The following KCP variants were observed in gnomAD, a reference collection of about 807,000 sequenced individuals.
KCP encodes the protein kielin/chordin-like protein.
Under a neutral mutation model 212.7 loss-of-function variants are expected in KCP, and 194 were observed. The observed-to-expected ratio is 0.91, with a 90% CI of 0.81 to 1.03. The LOEUF (loss-of-function observed/expected upper bound fraction) is 1.03, where lower values mean the gene tolerates loss of function less well. KCP is among the 50% of genes least tolerant of loss of function. KCP has a pLI of 0.00. For missense variants in KCP, 2,080 were observed against 2,162.5 expected (o/e 0.96, Z 0.76); for synonymous variants, 833 against 865.3 (o/e 0.96, Z 0.65).
chr7:128,894,209 C>A lies in KCP; in HGVS notation c.916G>T (p.Val306Leu). 6.5e-7 allele frequency: 1 copy of A among 1,530,118 alleles called. No homozygotes were observed. Among genetic ancestry groups the A allele is most frequent in the South Asian group, 1.2e-5 (1 of 81,318 alleles). 94.8% of individuals were successfully genotyped at this position (1,530,118 alleles called of 1,614,324 possible). Residue 306 changes from valine to leucine, a missense_variant, in exon 9 of 40, where the codon GTG (valine) becomes TTG (leucine). Transcript: ENST00000610776. ...CTACCCACTGACTCACCATCACACA[C>A]AGGGCAGCAGGTGCCTGGGAGGGGC... ...ARPLPGTCCP[V>L]CDGCFLNGRE...
At chr7:128,898,857 T>C (rs1318559493) in intron 8 of KCP, among the ~76,000 whole-genome samples, 1 of 152,240 alleles carries the variant, frequency 6.6e-6, no homozygotes, top group Non-Finnish European at 1.5e-5. Context: ...AAATTGAGCA[T>C]TGGAATAAAA....
At position 128,908,560 on chromosome 7, in the gene KCP, C is replaced by T. The variant is rs1795276916; in HGVS notation, c.85G>A (p.Val29Ile). The T allele has an allele frequency of 3.9e-6, 6 of 1,550,610 alleles. No individual in the cohort carries two copies. Among genetic ancestry groups the T allele is most frequent in the Non-Finnish European group, 5.2e-6 (6 of 1,146,346 alleles). Residue 29 changes from valine (V) to isoleucine (I), a missense_variant, in exon 2 of 40, where the codon GTC (valine) becomes ATC (isoleucine). Val to Ile is a conservative substitution (Grantham distance 29, BLOSUM62 3). Coordinates refer to ENST00000610776, the MANE Select transcript of KCP (RefSeq NM_001366122.1). ...ALAAGAEGGAVPREPPGQQTT... is the reference protein window; with the variant it reads ...ALAAGAEGGAIPREPPGQQTT... ...TGCTGCCCAGGGGGCTCCCTGGGGA[C>T]AGCCCCACCTGAAGGGCACAAGAAT...
chr7:128,908,232 GAAGAAAGGAAGAAAGAAAGAAGA>G (rs1282833275), intron 2 of KCP, among the ~76,000 whole-genome samples, 171 bp downstream of exon 2: 4 of 104,316 alleles, frequency 3.8e-5, no homozygotes, highest in African/African-American at 1.4e-4. Context: ...GGGAAGGAAA[GAAGAAAGGAAGAAAGAAAGAAGA>G]AAGAAAGAAA....
In KCP at chr7:128,886,321, G is replaced by C. The variant is rs995034825; in HGVS notation, c.2866+143C>G. 7 of 655,862 alleles carry C rather than the reference G, an allele frequency of 1.1e-5. No homozygotes were observed. The Admixed American group carries it at 2.1e-4, about 20-fold the overall frequency. The allele number at this position is 655,862 out of a possible 1,614,324, so 40.6% of individuals were successfully genotyped here. Reference sequence around the variant, plus strand: ...CGGACAGGGAGAGGTAGGAGAAGCTGAAGGTGGCAAGGGTGTATGCAAGGG... The same window carrying C: ...CGGACAGGGAGAGGTAGGAGAAGCTCAAGGTGGCAAGGGTGTATGCAAGGG... On this transcript the variant is annotated intron_variant, in intron 26 of 39. Coordinates refer to ENST00000610776, the MANE Select transcript of KCP (RefSeq NM_001366122.1).
chr7:128,891,264 C>T lies in KCP; in HGVS notation c.1893G>A (p.Gln631=). The change falls in exon 19 of 40, where the codon CAG becomes CAA. Residue 631 remains glutamine (Q), a synonymous_variant. Coordinates refer to ENST00000610776, the MANE Select transcript of KCP (RefSeq NM_001366122.1). The stretch of plus-strand genomic sequence containing the variant: ...GCGGCACGCAGCGGCGGGCCAGGCA[C>T]TGCACGTTGCCGCTCTACGGACCGA... ...RLCRCLSGNV[Q]CLARRCVPLP... The T allele has an allele frequency of 6.5e-7, 1 of 1,547,268 alleles. No homozygotes were observed. Among genetic ancestry groups the T allele is most frequent in the East Asian group, 2.4e-5 (1 of 40,906 alleles).
chr7:128,898,516 T>C (rs1022327720), intron 8 of KCP, among the ~76,000 whole-genome samples: 8 of 152,252 alleles, frequency 5.3e-5, no homozygotes, highest in African/African-American at 1.7e-4. Context: ...TAGTACATAG[T>C]TAAAATCCTG....
intron 22 of KCP, among the ~76,000 whole-genome samples, chr7:128,887,610 C>A (rs1173530920): frequency 1.3e-5 from 2 of 150,314 alleles, no homozygotes. Flanking sequence ...GCCACACCTA[C>A]ACCCCCCCAC....
intron 8 of KCP, among the ~76,000 whole-genome samples, chr7:128,899,010 A>G (rs1014028095): frequency 1.3e-5 from 2 of 152,210 alleles, no homozygotes; most frequent in Non-Finnish European, 2.9e-5. Flanking sequence ...GGTTTTATTA[A>G]GAATTGGGTT....
intron 14 of KCP, 28 bp downstream of exon 14, chr7:128,892,841 G>A (rs551655586): frequency 6.2e-5 from 96 of 1,551,252 alleles, no homozygotes; most frequent in Non-Finnish European, 8.1e-5. Context: ...TGCAGGGGAA[G>A]AAAGCCAGGA....
At position 128,877,038 on chromosome 7, in the gene KCP, C is replaced by G; in HGVS notation, c.*5G>C. On this transcript the variant is annotated 3_prime_UTR_variant, in exon 40 of 40. Transcript: ENST00000610776. ...TGATGAACCCTTATCAGGCACTGTC[C>G]TGGCTCAGGGTGTCTCCTGGGGCTC... The G allele has an allele frequency of 1.3e-6, 2 of 1,535,588 alleles. No homozygotes were observed. Among genetic ancestry groups the G allele is most frequent in the Non-Finnish European group, 8.7e-7 (1 of 1,142,938 alleles).
rs1193366377 is a variant in KCP, at chr7:128,892,871, G to C, written c.1418C>G (p.Pro473Arg). The change falls in exon 14 of 40, where the codon CCT becomes CGT. Residue 473 changes from proline to arginine, a missense_variant and splice_region_variant. Transcript: ENST00000610776. Reference sequence around the variant, plus strand: ...CCAGGATCAGCCCAGGCACTCACCAGGGGGCTGGGTGGGGTGCTGGCAGGG... The same window carrying C: ...CCAGGATCAGCCCAGGCACTCACCACGGGGCTGGGTGGGGTGCTGGCAGGG... ...PAPCQHPTQP[P>R]GACCPSCDSC... 2 of 1,550,774 alleles carry C rather than the reference G, an allele frequency of 1.3e-6. No homozygotes were observed. Among genetic ancestry groups the C allele is most frequent in the Non-Finnish European group, 1.7e-6 (2 of 1,146,552 alleles).
chr7:128,890,205 C>A lies in KCP; in HGVS notation c.2335+138G>T, dbSNP rs753728611. 4.0e-6 allele frequency: 6 copies of A among 1,503,510 alleles called. No individual in the cohort carries two copies. The African/African-American group carries it at 5.6e-5, about 14-fold the overall frequency. 93.1% of individuals were successfully genotyped at this position (1,503,510 alleles called of 1,614,324 possible). On this transcript the variant is annotated intron_variant, in intron 21 of 39. Transcript: ENST00000610776. ...AAATTGTCGGGGTCACAGGCTTCAG[C>A]TAGGGCTCCCAGCCTCGGGGCTTTT...
intron 23 of KCP, 110 bp from the exon 24 acceptor site, chr7:128,887,076 C>G: frequency 9.6e-7 from 1 of 1,045,276 alleles, no homozygotes; most frequent in Non-Finnish European, 1.5e-6. Context: ...CCCGGGACAC[C>G]TGAGCCCAGT....
Position 128,891,079 on chromosome 7 carries a change from CGGCGGGGGCTGG to C in KCP, c.1978_1989del (p.Pro660_Ala663del), listed in dbSNP as rs1271133476. ...TGGGCCGCGCCGGGCCGTGGGCAGC[CGGCGGGGGCTGG>C]GGCGGCTGCGGCGAGACAGCGCATC... On this transcript the variant is annotated inframe_deletion, in exon 20 of 40. Transcript: ENST00000610776. 1 of 1,417,426 alleles carries C rather than the reference CGGCGGGGGCTGG, an allele frequency of 7.1e-7. No homozygotes were observed. The highest frequency in any genetic ancestry group is 9.1e-7 in the Non-Finnish European group (1 of 1,092,946). 87.8% of individuals were successfully genotyped at this position (1,417,426 alleles called of 1,614,324 possible). A position where few individuals can be genotyped will look rare whatever the true frequency, so the allele number is the denominator to read the frequency against.
chr7:128,886,831 A>G, intron 24 of KCP, 45 bp downstream of exon 24: 1 of 1,263,786 alleles, frequency 7.9e-7, no homozygotes, highest in Non-Finnish European at 1.1e-6. Flanking sequence ...GGGGAGGGAG[A>G]GGCGGGGAAG....
In KCP at chr7:128,891,662, G is replaced by C; in HGVS notation, c.1779C>G (p.Cys593Trp). 1 of 1,460,700 alleles carries C rather than the reference G, an allele frequency of 6.8e-7. No individual in the cohort carries two copies. The highest frequency in any genetic ancestry group is 9.1e-7 in the Non-Finnish European group (1 of 1,104,766). 90.5% of individuals were successfully genotyped at this position (1,460,700 alleles called of 1,614,324 possible). Residue 593 changes from cysteine (C) to tryptophan (W), a missense_variant, in exon 17 of 40, where the codon TGC becomes TGG. Transcript: ENST00000610776. ...CCACCTCACCGCTGCAGTCGTTCGG[G>C]CAGCAGGTCCCAGGCAGCGGGTGGG... ...PCAHPLPGTC[C>W]PNDCSGCAFG...
chr7:128,904,206 A>G, intron 5 of KCP, 68 bp from the exon 6 acceptor site: 1 of 1,525,274 alleles, frequency 6.6e-7, no homozygotes, highest in Non-Finnish European at 8.9e-7. Flanking sequence ...ACTTGAGGTA[A>G]GGCATGACCC....
At chr7:128,903,687 C>A in intron 7 of KCP, 40 bp downstream of exon 7, 1 of 1,470,786 alleles carries the variant, frequency 6.8e-7, no homozygotes, top group Non-Finnish European at 9.1e-7. Context: ...GCACGACAAC[C>A]TACCTGTGGC....
In KCP at chr7:128,877,282, C is replaced by G. The variant is rs774995621; in HGVS notation, c.4648G>C (p.Val1550Leu). 29 of 1,509,764 alleles carry G rather than the reference C, an allele frequency of 1.9e-5. No homozygotes were observed. The highest frequency in any genetic ancestry group is 2.3e-5 in the Non-Finnish European group (26 of 1,132,694). The allele number at this position is 1,509,764 out of a possible 1,614,324, so 93.5% of individuals were successfully genotyped here. A position where few individuals can be genotyped will look rare whatever the true frequency, so the allele number is the denominator to read the frequency against. ...VVGCPLERGF[V>L]FDECGPPCPR... Reference sequence around the variant, plus strand: ...CAGGGTGGGCCGCACTCATCAAACACGAAGCCACGCTCCAGGGGGCAGCCT... The same window carrying G: ...CAGGGTGGGCCGCACTCATCAAACAGGAAGCCACGCTCCAGGGGGCAGCCT... Residue 1550 changes from valine to leucine, a missense_variant, in exon 40 of 40, where the codon GTG (valine) becomes CTG (leucine). Transcript: ENST00000610776.
Sources: gnomAD v4.1 joint callset for allele counts (sites outside exome capture counted in the v4.1 genomes callset) on GRCh38, gnomAD v4.1.1 for gene constraint, MANE v1.5 for transcripts, NCBI Gene and HGNC (gene_info 2026-07-23, HGNC 2026-07-21) for gene names.